Variants in MTMR9 observed in about 807,000 individuals in gnomAD.
The protein encoded by MTMR9 is myotubularin related protein 9.
In MTMR9, 39 loss-of-function variants were observed where a neutral mutation model predicts 69.5. The observed-to-expected ratio is 0.56, with a 90% confidence interval of 0.43 to 0.73. MTMR9 has a LOEUF of 0.73. Ranked by LOEUF, MTMR9 falls within the 30% of genes least tolerant of loss-of-function variation. The probability of loss-of-function intolerance (pLI) is 0.00; values close to 1 mark genes in which losing one functional copy is unlikely to be tolerated. For missense variants in MTMR9, 900 were observed against 671.2 expected (o/e 1.34, Z -3.77); for synonymous variants, 354 against 240.8 (o/e 1.47, Z -4.35).
Position 11,319,841 on chromosome 8 carries a change from A to G in MTMR9, c.1486+3A>G. 1.2e-6 allele frequency: 2 copies of G among 1,613,976 alleles called. No individual in the cohort carries two copies. The highest frequency in any genetic ancestry group is 1.7e-6 in the Non-Finnish European group (2 of 1,179,920). ...GCAGAGTCTTCCACTGTGGGAAGGT[A>G]AACCACGCATCCTTTGCAAACTTCT... On this transcript the variant is annotated splice_donor_region_variant and intron_variant, in intron 9 of 9. Transcript: ENST00000221086.
intron 8 of MTMR9, chr8:11,319,336 A>G (rs1056005099): frequency 1.2e-5 from 2 of 166,172 alleles, no homozygotes; most frequent in African/African-American, 4.8e-5. Context: ...TTTTATGCTT[A>G]GCTATTTTTA....
chr8:11,335,379 T>C, the MTMR9 span, among the ~76,000 whole-genome samples: 1 of 152,140 alleles, frequency 6.6e-6, no homozygotes, highest in Non-Finnish European at 1.5e-5. Context: ...AAAATCTACA[T>C]GAAGAAAGCT....
rs1356661357 is a variant in MTMR9 at position 11,314,906 on chromosome 8, C to G, written c.972-17C>G. On this transcript the variant is annotated splice_polypyrimidine_tract_variant and intron_variant, in intron 6 of 9. Transcript: ENST00000221086. The stretch of plus-strand genomic sequence containing the variant: ...TGGACATTTCCCATTTGTACTCTTC[C>G]CTGATTTTCCTATCAGGGAAGGAGC... The G allele has an allele frequency of 6.2e-7, 1 of 1,611,560 alleles. No homozygotes were observed. The highest frequency in any genetic ancestry group is 8.5e-7 in the Non-Finnish European group (1 of 1,177,980).
intron 6 of MTMR9, among the ~76,000 whole-genome samples, chr8:11,312,194 A>G (rs1800229065): frequency 6.6e-6 from 1 of 151,632 alleles, no homozygotes; most frequent in Non-Finnish European, 1.5e-5. Flanking sequence ...ACAGGTGCAC[A>G]CCACCACGGT....
rs1304536253 is a variant in MTMR9, at chr8:11,326,936, C to T, written c.*4148C>T. 6 of 147,540 alleles carry T rather than the reference C, an allele frequency of 4.1e-5. No individual in the cohort carries two copies. Among genetic ancestry groups the T allele is most frequent in the Admixed American group, 3.4e-4 (5 of 14,734 alleles). The allele number at this position is 147,540 out of a possible 1,614,324, so 9.1% of individuals were successfully genotyped here. Reference sequence around the variant, plus strand: ...AGTGAGCCGAGATCGCACCACTGCACTCCAGCCTGGGCGAAAGGGCAAGAC... The same window carrying T: ...AGTGAGCCGAGATCGCACCACTGCATTCCAGCCTGGGCGAAAGGGCAAGAC... On this transcript the variant is annotated 3_prime_UTR_variant, in exon 10 of 10. Transcript: ENST00000221086.
intron 3 of MTMR9, among the ~76,000 whole-genome samples, chr8:11,303,631 T>G (rs538959172): frequency 4.1e-4 from 62 of 152,258 alleles, no homozygotes; most frequent in African/African-American, 1.4e-3. Flanking sequence ...CTTCCTGGGC[T>G]CCCGTGATTC....
chr8:11,331,795 G>A, downstream of MTMR9: 1 of 1,611,742 alleles, frequency 6.2e-7, no homozygotes, highest in South Asian at 1.1e-5. Context: ...GGCTTGGTGG[G>A]GCTGCTGGGC....
chr8:11,288,258 A>G (rs961985418), intron 1 of MTMR9, among the ~76,000 whole-genome samples: 147 of 138,478 alleles, frequency 1.1e-3, no homozygotes, highest in African/African-American at 3.9e-3. Flanking sequence ...ATATTATAAT[A>G]ATTATATATT....
intron 2 of MTMR9, chr8:11,298,032 G>T: frequency 2.3e-6 from 1 of 426,602 alleles, no homozygotes; most frequent in Non-Finnish European, 4.8e-6. Flanking sequence ...AATATATTCT[G>T]CTGCCTCACG....
intron 1 of MTMR9, among the ~76,000 whole-genome samples, chr8:11,293,229 A>C (rs1300043887): frequency 6.6e-6 from 1 of 152,216 alleles, no homozygotes; most frequent in Non-Finnish European, 1.5e-5. Flanking sequence ...TTTTAACAAG[A>C]AAGTTTACCA....
chr8:11,323,461 G>T lies in MTMR9; in HGVS notation c.*673G>T, dbSNP rs190273266. The stretch of plus-strand genomic sequence containing the variant: ...TAAGAAGAGTTAAATTTATTTTAAC[G>T]TAGACACTAAAAGTATGTGCAATAT... On this transcript the variant is annotated 3_prime_UTR_variant, in exon 10 of 10. Coordinates refer to ENST00000221086, the MANE Select transcript of MTMR9 (RefSeq NM_015458.4). 3.9e-5 allele frequency: 6 copies of T among 152,218 alleles called. No homozygotes were observed. The highest frequency in any genetic ancestry group is 8.8e-5 in the Non-Finnish European group (6 of 68,038). 9.4% of individuals were successfully genotyped at this position (152,218 alleles called of 1,614,324 possible).
chr8:11,287,733 A>G (rs1001786496), intron 1 of MTMR9, among the ~76,000 whole-genome samples: 9 of 135,768 alleles, frequency 6.6e-5, no homozygotes, highest in African/African-American at 2.5e-4. Flanking sequence ...ATTATATATT[A>G]TATATTATTT....
intron 5 of MTMR9, among the ~76,000 whole-genome samples, chr8:11,309,032 A>C (rs1800082368): frequency 6.6e-6 from 1 of 152,200 alleles, no homozygotes; most frequent in African/African-American, 2.4e-5. Flanking sequence ...ATTTTCGCAC[A>C]GTTTCCTCCA....
intron 7 of MTMR9, 110 bp downstream of exon 7, chr8:11,315,174 T>C (rs375380737): frequency 2.2e-6 from 3 of 1,375,692 alleles, no homozygotes. Flanking sequence ...AATTTCTAAG[T>C]TGTGTGTTTA....
chr8:11,329,388 C>T (rs1159863935), downstream of MTMR9, among the ~76,000 whole-genome samples: 2 of 152,218 alleles, frequency 1.3e-5, no homozygotes, highest in Non-Finnish European at 2.9e-5. Flanking sequence ...GTACTGCTGC[C>T]ATCTCGGCTC....
At chr8:11,330,962 G>T (rs1319344823), downstream of MTMR9, 2 of 1,374,702 alleles carry the variant, frequency 1.5e-6, no homozygotes, top group Admixed American at 2.9e-5. Context: ...AGCAGAGTTG[G>T]ACTCAGCGGG....
chr8:11,332,810 C>G (rs1801286306), downstream of MTMR9, among the ~76,000 whole-genome samples: 1 of 152,152 alleles, frequency 6.6e-6, no homozygotes, highest in Non-Finnish European at 1.5e-5. Context: ...CTATGTTGGC[C>G]AGGCTGGTCT....
intron 2 of MTMR9, among the ~76,000 whole-genome samples, chr8:11,299,356 A>G (rs1585115140): frequency 6.6e-6 from 1 of 152,170 alleles, no homozygotes; most frequent in African/African-American, 2.4e-5. Flanking sequence ...TTTAGATTTT[A>G]TTATGTGCCA....
chr8:11,329,846 C>G (rs927878806), downstream of MTMR9, among the ~76,000 whole-genome samples: 2 of 150,732 alleles, frequency 1.3e-5, no homozygotes, highest in Non-Finnish European at 3.0e-5. Context: ...TCTTCCTGGC[C>G]GCCATCCCGT....
Sources: gnomAD v4.1 joint callset for allele counts (sites outside exome capture counted in the v4.1 genomes callset) on GRCh38, gnomAD v4.1.1 for gene constraint, MANE v1.5 for transcripts, NCBI Gene and HGNC (gene_info 2026-07-23, HGNC 2026-07-21) for gene names.